The following HS3ST4 variants were observed in gnomAD, a reference collection of about 807,000 sequenced individuals.
HS3ST4 encodes heparan sulfate glucosamine 3-O-sulfotransferase 4.
Under a neutral mutation model 29.2 loss-of-function variants are expected in HS3ST4, and 17 were observed. That is an observed-to-expected ratio of 0.58 (90% CI 0.40 to 0.87). HS3ST4 has a LOEUF of 0.87. Among genes scored for constraint, HS3ST4 ranks in the 40% least tolerant of loss-of-function variants. The pLI is 0.00. For missense variants in HS3ST4, 627 were observed against 634.5 expected (o/e 0.99, Z 0.13); for synonymous variants, 314 against 285.7 (o/e 1.10, Z -1.00).
At chr16:25,808,146 AC>A (rs1456171357) in intron 1 of HS3ST4, among the ~76,000 whole-genome samples, 1 of 152,168 alleles carries the variant, frequency 6.6e-6, no homozygotes, top group African/African-American at 2.4e-5. Context: ...AATTACAGTT[AC>A]CAAAATTTTA....
At chr16:26,068,749 C>T (rs922858165) in intron 1 of HS3ST4, among the ~76,000 whole-genome samples, 33 of 151,974 alleles carry the variant, frequency 2.2e-4, no homozygotes, top group Admixed American at 9.8e-4. Flanking sequence ...ATCTAACATA[C>T]GAGATGTATT....
intron 1 of HS3ST4, among the ~76,000 whole-genome samples, chr16:25,975,832 G>A (rs1968938162): frequency 6.6e-6 from 1 of 152,098 alleles, no homozygotes; most frequent in Non-Finnish European, 1.5e-5. Context: ...TGTGATTCTT[G>A]CAAATGGCTA....
intron 1 of HS3ST4, among the ~76,000 whole-genome samples, chr16:25,920,112 G>C (rs1014273278): frequency 6.6e-6 from 1 of 152,154 alleles, no homozygotes; most frequent in African/African-American, 2.4e-5. Flanking sequence ...TCTAATGTCA[G>C]TGTTGGTGAT....
chr16:26,072,939 CA>C (rs979684130), intron 1 of HS3ST4, among the ~76,000 whole-genome samples: 3 of 152,018 alleles, frequency 2.0e-5, no homozygotes, highest in African/African-American at 7.2e-5. Flanking sequence ...TAAATCTCTA[CA>C]AAAAATAAAT....
intron 1 of HS3ST4, among the ~76,000 whole-genome samples, chr16:25,792,857 T>G (rs2141620497): frequency 6.6e-6 from 1 of 151,992 alleles, no homozygotes; most frequent in East Asian, 1.9e-4. Context: ...TTTAGCTGTT[T>G]TCCAAATTTT....
intron 1 of HS3ST4, among the ~76,000 whole-genome samples, chr16:25,723,425 A>G: frequency 6.6e-6 from 1 of 152,202 alleles, no homozygotes; most frequent in Admixed American, 6.5e-5. Context: ...AACCATATTT[A>G]TCTAACATTG....
intron 1 of HS3ST4, among the ~76,000 whole-genome samples, chr16:25,995,062 T>A: frequency 6.6e-6 from 1 of 152,172 alleles, no homozygotes; most frequent in East Asian, 1.9e-4. Context: ...ATGAAAGACA[T>A]AAAGTTCATA....
Position 26,135,728 on chromosome 16 carries a change from T to C in HS3ST4, c.851T>C (p.Ile284Thr). The C allele has an allele frequency of 1.2e-6, 2 of 1,614,102 alleles. No homozygotes were observed. The highest frequency in any genetic ancestry group is 1.3e-5 in the African/African-American group (1 of 75,026). The change falls in exon 2 of 2, where the codon ATT (isoleucine) becomes ACT (threonine). Residue 284 changes from isoleucine to threonine, a missense_variant. Around this residue, in one of 2 missense-constraint regions of HS3ST4, gnomAD observed 225 missense variants for 293.7 expected, o/e 0.77. Transcript: ENST00000331351. ...TCCATGGCCAAGGACATCAAACTGA[T>C]TGTGGTGGTGAGAAACCCCGTGACC... Reference protein sequence around the residue: ...IHSMAKDIKLIVVVRNPVTRA... With the variant: ...IHSMAKDIKLTVVVRNPVTRA...
At chr16:25,913,288 G>A (rs917875470) in intron 1 of HS3ST4, among the ~76,000 whole-genome samples, 2 of 152,232 alleles carry the variant, frequency 1.3e-5, no homozygotes, top group African/African-American at 4.8e-5. Context: ...TAAGAGATGA[G>A]GCTTTTGGGA....
At chr16:25,982,582 C>T (rs1969019143) in intron 1 of HS3ST4, among the ~76,000 whole-genome samples, 1 of 152,210 alleles carries the variant, frequency 6.6e-6, no homozygotes, top group Admixed American at 6.5e-5. Flanking sequence ...AATGCCAACA[C>T]TTTGGAAGGT....
chr16:26,035,896 C>G (rs960561016), intron 1 of HS3ST4, among the ~76,000 whole-genome samples: 1 of 152,190 alleles, frequency 6.6e-6, no homozygotes, highest in Admixed American at 6.5e-5. Context: ...CTCCCCATGA[C>G]TAATTATGTG....
At chr16:25,951,216 A>C (rs1326649656) in intron 1 of HS3ST4, among the ~76,000 whole-genome samples, 2 of 152,212 alleles carry the variant, frequency 1.3e-5, no homozygotes, top group Non-Finnish European at 2.9e-5. Flanking sequence ...GGCCCCAAGC[A>C]ATGAATATGC....
In HS3ST4 at chr16:26,122,643, C is replaced by A. The variant is rs138514761; in HGVS notation, c.735-12969C>A. 6.3e-3 allele frequency among the ~76,000 whole-genome samples: 966 copies of A among 152,204 alleles called. 6 individuals carry two copies. The highest frequency in any genetic ancestry group is 8.4e-3 in the Non-Finnish European group (571 of 67,998). ...GGATATATGCCACACTGAAGCTGTT[C>A]GGTACTCTATGACTGGGTTGTATCA... On this transcript the variant is annotated intron_variant, in intron 1 of 1. Coordinates refer to ENST00000331351, the MANE Select transcript of HS3ST4 (RefSeq NM_006040.3).
chr16:25,895,652 G>A (rs1330704148), intron 1 of HS3ST4, among the ~76,000 whole-genome samples: 2 of 152,052 alleles, frequency 1.3e-5, no homozygotes, highest in Non-Finnish European at 2.9e-5. Flanking sequence ...CAAGACCCTG[G>A]AAGATTTGAG....
intron 1 of HS3ST4, among the ~76,000 whole-genome samples, chr16:26,013,733 G>A (rs571017434): frequency 6.6e-6 from 1 of 152,272 alleles, no homozygotes; most frequent in South Asian, 2.1e-4. Flanking sequence ...ACTCTGGCCG[G>A]GAGCGGTGGC....
At chr16:25,738,214 G>A (rs1246653323) in intron 1 of HS3ST4, among the ~76,000 whole-genome samples, 1 of 151,996 alleles carries the variant, frequency 6.6e-6, no homozygotes, top group Non-Finnish European at 1.5e-5. Context: ...GATACCTGTA[G>A]CTTCTATGCC....
chr16:26,019,856 T>G (rs1969395325), intron 1 of HS3ST4, among the ~76,000 whole-genome samples: 1 of 152,188 alleles, frequency 6.6e-6, no homozygotes, highest in African/African-American at 2.4e-5. Flanking sequence ...ATAATCAAGA[T>G]TTATGATTCT....
At chr16:25,874,004 A>G (rs748906410) in intron 1 of HS3ST4, among the ~76,000 whole-genome samples, 2 of 142,140 alleles carry the variant, frequency 1.4e-5, no homozygotes. Flanking sequence ...AAAGTGAATT[A>G]TACCCTTATC....
intron 1 of HS3ST4, among the ~76,000 whole-genome samples, chr16:25,752,504 AGAGG>A (rs1261403891): frequency 1.3e-5 from 2 of 152,210 alleles, no homozygotes; most frequent in East Asian, 1.9e-4. Flanking sequence ...CAAATTTAAA[AGAGG>A]GAGGAAAAAA....
Sources: gnomAD v4.1 joint callset for allele counts (sites outside exome capture counted in the v4.1 genomes callset) on GRCh38, gnomAD v4.1.1 for gene constraint, gnomAD v4.1.1 regional missense constraint, MANE v1.5 for transcripts, NCBI Gene and HGNC (gene_info 2026-07-23, HGNC 2026-07-21) for gene names.